The following GAB1 variants were observed in gnomAD, a reference collection of about 807,000 sequenced individuals.
GAB1 encodes the protein GRB2-associated-binding protein 1.
In GAB1, 19 loss-of-function variants were observed where a neutral mutation model predicts 66.5. The ratio of observed to expected loss-of-function variants is 0.29; its 90% CI spans 0.20 to 0.42. The LOEUF is 0.42. Ranked by LOEUF, GAB1 falls within the 10% of genes least tolerant of loss-of-function variation. The pLI, the probability that GAB1 is intolerant of heterozygous loss-of-function variation, is 1.00. For missense variants in GAB1, 732 were observed against 858.5 expected (o/e 0.85, Z 1.84); for synonymous variants, 294 against 301.4 (o/e 0.98, Z 0.25).
At chr4:143,395,705 T>C (rs975967985) in intron 1 of GAB1, 49 of 330,832 alleles carry the variant, frequency 1.5e-4, no homozygotes, top group African/African-American at 3.3e-4. Flanking sequence ...ATAATAAATA[T>C]GAAGTTTTGA....
At chr4:143,460,685 G>GTTT (rs1297937096) in intron 8 of GAB1, among the ~76,000 whole-genome samples, 198 bp downstream of exon 8, 1 of 151,322 alleles carries the variant, frequency 6.6e-6, no homozygotes, top group East Asian at 1.9e-4. Context: ...CTGTAAATGA[G>GTTT]TTAAAAAAAA....
chr4:143,389,496 C>T (rs1034747015), intron 1 of GAB1, among the ~76,000 whole-genome samples: 11 of 152,278 alleles, frequency 7.2e-5, no homozygotes, highest in African/African-American at 2.6e-4. Context: ...TATAGTAGTG[C>T]TTCCAGACCC....
At chr4:143,417,074 G>C (rs940913852) in intron 2 of GAB1, among the ~76,000 whole-genome samples, 1 of 152,298 alleles carries the variant, frequency 6.6e-6, no homozygotes, top group East Asian at 1.9e-4. Flanking sequence ...GGGGCTCAAG[G>C]TTTGGGTAAG....
chr4:143,396,509 C>T (rs28989233), intron 1 of GAB1, among the ~76,000 whole-genome samples: 3,074 of 152,150 alleles, frequency 0.02, 95 homozygotes, highest in African/African-American at 0.07. Context: ...GATCGGGTGG[C>T]TTAATGTCAT....
intron 1 of GAB1, among the ~76,000 whole-genome samples, chr4:143,343,749 T>G (rs191134946): frequency 6.6e-5 from 10 of 152,272 alleles, no homozygotes; most frequent in African/African-American, 1.2e-4. Flanking sequence ...GAAGAGCTGG[T>G]GTACTGCTGG....
At chr4:143,341,702 G>C (rs1728829128) in intron 1 of GAB1, among the ~76,000 whole-genome samples, 1 of 152,182 alleles carries the variant, frequency 6.6e-6, no homozygotes, top group Non-Finnish European at 1.5e-5. Flanking sequence ...ACACACCCCT[G>C]GTTCTGGAAA....
chr4:143,420,929 TTAC>T (rs2149725768), intron 2 of GAB1, among the ~76,000 whole-genome samples: 1 of 152,168 alleles, frequency 6.6e-6, no homozygotes, highest in African/African-American at 2.4e-5. Context: ...GAGGTATAAC[TTAC>T]TACTGTGAAG....
At chr4:143,351,424 T>A (rs1175773146) in intron 1 of GAB1, among the ~76,000 whole-genome samples, 2 of 152,156 alleles carry the variant, frequency 1.3e-5, no homozygotes, top group Admixed American at 1.3e-4. Flanking sequence ...CTGCGGGTGC[T>A]CTTCCGCGGT....
At chr4:143,345,172 C>T (rs920084232) in intron 1 of GAB1, among the ~76,000 whole-genome samples, 11 of 152,200 alleles carry the variant, frequency 7.2e-5, no homozygotes, top group Non-Finnish European at 1.5e-4. Context: ...ATCATTCTTT[C>T]CTCACCTCTT....
At chr4:143,368,901 T>C (rs1346516783) in intron 1 of GAB1, among the ~76,000 whole-genome samples, 2 of 152,052 alleles carry the variant, frequency 1.3e-5, no homozygotes, top group South Asian at 2.1e-4. Flanking sequence ...TCTCCTGCCT[T>C]AGCCTCCCGA....
intron 1 of GAB1, among the ~76,000 whole-genome samples, chr4:143,409,412 C>T (rs182398089): frequency 7.5e-6 from 1 of 133,576 alleles, no homozygotes. Context: ...GAAATCTTTT[C>T]ATTTAGTCTC....
At chr4:143,348,721 C>G (rs1292925868) in intron 1 of GAB1, among the ~76,000 whole-genome samples, 2 of 152,236 alleles carry the variant, frequency 1.3e-5, no homozygotes, top group Non-Finnish European at 2.9e-5. Flanking sequence ...TTCGGAGTGC[C>G]TCTGCCTCTT....
intron 2 of GAB1, among the ~76,000 whole-genome samples, chr4:143,416,035 T>C (rs1578680861): frequency 6.6e-6 from 1 of 152,206 alleles, no homozygotes; most frequent in South Asian, 2.1e-4. Context: ...TTTAAGAACA[T>C]TTATTGAATT....
intron 1 of GAB1, 144 bp from the exon 2 acceptor site, chr4:143,415,333 T>A (rs1302531163): frequency 1.6e-6 from 1 of 637,464 alleles, no homozygotes; most frequent in African/African-American, 1.8e-5. Context: ...CAGATTATCC[T>A]GTGGTAAAAA....
At chr4:143,337,654 C>T (rs1179187539) in intron 1 of GAB1, among the ~76,000 whole-genome samples, 2 of 152,128 alleles carry the variant, frequency 1.3e-5, no homozygotes, top group East Asian at 1.9e-4. Flanking sequence ...TGCTAAAGCT[C>T]CCGCACCGGG....
rs754786802 is a variant in GAB1, at chr4:143,471,991, T to C, written c.*2802T>C. The C allele has an allele frequency of 2.3e-4, 35 of 152,184 alleles. No homozygotes were observed. The highest frequency in any genetic ancestry group is 7.0e-4 in the African/African-American group (29 of 41,454). The allele number at this position is 152,184 out of a possible 1,614,324, so 9.4% of individuals were successfully genotyped here. The stretch of plus-strand genomic sequence containing the variant: ...GATGTGACAGTTATGATCTTGGAGA[T>C]TGGAAATCTTTCTTCCACATTAGAG... On this transcript the variant is annotated 3_prime_UTR_variant, in exon 10 of 10. Coordinates refer to ENST00000262994, the MANE Select transcript of GAB1 (RefSeq NM_002039.4).
At chr4:143,371,370 T>C (rs1458204966) in intron 1 of GAB1, among the ~76,000 whole-genome samples, 1 of 152,236 alleles carries the variant, frequency 6.6e-6, no homozygotes, top group Admixed American at 6.5e-5. Context: ...TCTGTTCATA[T>C]CCTTCACCCA....
chr4:143,451,541 A>G (rs1302684616), intron 6 of GAB1, among the ~76,000 whole-genome samples: 2 of 152,202 alleles, frequency 1.3e-5, no homozygotes, highest in Non-Finnish European at 2.9e-5. Flanking sequence ...TTACCATTTA[A>G]AGGAAATAAG....
chr4:143,459,612 G>C, intron 7 of GAB1, 134 bp downstream of exon 7: 1 of 670,246 alleles, frequency 1.5e-6, no homozygotes, highest in East Asian at 2.7e-5. Flanking sequence ...GGGGTTCTGT[G>C]AAGTCAAAAC....
Sources: allele counts gnomAD v4.1 joint callset (sites outside exome capture counted in the v4.1 genomes callset), GRCh38; gene constraint gnomAD v4.1.1; transcripts MANE v1.5; gene names NCBI Gene and HGNC (gene_info 2026-07-23, HGNC 2026-07-21).